The following ZMYND8 variants were observed in gnomAD, a reference collection of about 807,000 sequenced individuals.
The protein encoded by ZMYND8 is zinc finger MYND-type containing 8, also known as MYND-type zinc finger-containing chromatin reader ZMYND8.
In ZMYND8, 37 loss-of-function variants were observed where a neutral mutation model predicts 140.8. The observed-to-expected ratio is 0.26, with a 90% CI of 0.20 to 0.35. The LOEUF is 0.35. Among genes scored for constraint, ZMYND8 ranks in the 10% least tolerant of loss-of-function variants. The probability of loss-of-function intolerance (pLI) is 1.00; values close to 1 mark genes in which losing one functional copy is unlikely to be tolerated. For synonymous variants in ZMYND8, 592 were observed against 597.1 expected, an observed-to-expected ratio of 0.99 and a Z score of 0.12; for missense variants, 1,068 against 1,570.0, an observed-to-expected ratio of 0.68 and a Z score of 5.40.
chr20:47,324,366 A>G (rs1284619510), intron 2 of ZMYND8, among the ~76,000 whole-genome samples: 2 of 151,522 alleles, frequency 1.3e-5, no homozygotes, highest in Non-Finnish European at 2.9e-5. Context: ...AAAAATACAA[A>G]AAATTAGCCA....
At chr20:47,221,583 C>A (rs1600931565) in intron 19 of ZMYND8, 109 bp from the exon 20 acceptor site, 3 of 1,350,274 alleles carry the variant, frequency 2.2e-6, no homozygotes, top group Non-Finnish European at 2.9e-6. Flanking sequence ...CTCAGCCCTA[C>A]CCAGGGCATA....
intron 11 of ZMYND8, among the ~76,000 whole-genome samples, chr20:47,265,551 C>G (rs1422761250): frequency 2.0e-5 from 3 of 152,206 alleles, no homozygotes; most frequent in African/African-American, 2.4e-5. Flanking sequence ...AGCAATTCTC[C>G]TGCCTCAGTC....
chr20:47,238,685 GCAAT>G, intron 15 of ZMYND8, 69 bp downstream of exon 15: 1 of 1,543,344 alleles, frequency 6.5e-7, no homozygotes, highest in Non-Finnish European at 8.7e-7. Flanking sequence ...AAATAAAAGA[GCAAT>G]GACTTTCTCC....
At chr20:47,352,186 C>T (rs1452800673) in intron 1 of ZMYND8, among the ~76,000 whole-genome samples, 1 of 152,164 alleles carries the variant, frequency 6.6e-6, no homozygotes, top group East Asian at 1.9e-4. Context: ...GCCCGGTCCC[C>T]CTTCTCTTCT....
At chr20:47,290,585 T>C (rs967038019) in intron 6 of ZMYND8, among the ~76,000 whole-genome samples, 1 of 75,426 alleles carries the variant, frequency 1.3e-5, no homozygotes. Flanking sequence ...TTTATTTAGT[T>C]TTTTTTTTTT....
At position 47,294,887 on chromosome 20, in the gene ZMYND8, T is replaced by A. The variant is rs547005375; in HGVS notation, c.454-108A>T. 264 of 985,052 alleles carry A rather than the reference T, an allele frequency of 2.7e-4. No individual in the cohort carries two copies. The African/African-American group carries it at 3.9e-3, about 15-fold the overall frequency. The allele number at this position is 985,052 out of a possible 1,614,324, so 61.0% of individuals were successfully genotyped here. A position where few individuals can be genotyped will look rare whatever the true frequency, so the allele number is the denominator to read the frequency against. On this transcript the variant is annotated intron_variant, in intron 4 of 22. Transcript: ENST00000471951. The stretch of plus-strand genomic sequence containing the variant: ...ACTGACAGACAAAAAGCAATTCTCA[T>A]CCCAATGAGACTTGTTGTTTCACTT...
chr20:47,239,207 C>T (rs2147191383), intron 14 of ZMYND8, 69 bp from the exon 15 acceptor site: 2 of 1,457,316 alleles, frequency 1.4e-6, no homozygotes, highest in South Asian at 1.6e-5. Flanking sequence ...ACGGTCTTGA[C>T]GCCACCAAGT....
intron 2 of ZMYND8, among the ~76,000 whole-genome samples, chr20:47,325,071 A>G (rs2080301574): frequency 6.6e-6 from 1 of 151,998 alleles, no homozygotes; most frequent in Non-Finnish European, 1.5e-5. Context: ...CGCCCAGCTA[A>G]TTTTTGTATT....
chr20:47,215,692 T>G (rs2035992327), intron 21 of ZMYND8, among the ~76,000 whole-genome samples: 1 of 152,048 alleles, frequency 6.6e-6, no homozygotes, highest in African/African-American at 2.4e-5. Flanking sequence ...TGAAGAGACA[T>G]CTAACTAACT....
chr20:47,286,752 T>C (rs189296128), intron 8 of ZMYND8, among the ~76,000 whole-genome samples: 4 of 152,202 alleles, frequency 2.6e-5, no homozygotes, highest in Admixed American at 2.6e-4. Flanking sequence ...GCCTAAGAGG[T>C]CTGTTCCATC....
At chr20:47,245,908 T>C in intron 14 of ZMYND8, 100 bp downstream of exon 14, 1 of 1,489,426 alleles carries the variant, frequency 6.7e-7, no homozygotes, top group East Asian at 2.3e-5. Flanking sequence ...ACATAACTTC[T>C]GATTTGTTTC....
At chr20:47,286,776 T>G (rs2076949863) in intron 8 of ZMYND8, among the ~76,000 whole-genome samples, 1 of 152,146 alleles carries the variant, frequency 6.6e-6, no homozygotes, top group South Asian at 2.1e-4. Context: ...GCCATCACAA[T>G]TATGGGCATT....
chr20:47,283,210 C>A (rs1046691179), intron 9 of ZMYND8, among the ~76,000 whole-genome samples: 8 of 152,130 alleles, frequency 5.3e-5, no homozygotes, highest in Admixed American at 2.0e-4. Context: ...TATTTTCAAA[C>A]CTCTTAAAAT....
At chr20:47,292,528 G>T (rs1014338809) in intron 5 of ZMYND8, among the ~76,000 whole-genome samples, 3 of 151,966 alleles carry the variant, frequency 2.0e-5, no homozygotes, top group African/African-American at 7.3e-5. Flanking sequence ...CTCAATTGAA[G>T]GATATCCAAT....
intron 15 of ZMYND8, chr20:47,238,464 G>A: frequency 2.1e-6 from 1 of 484,782 alleles, no homozygotes; most frequent in East Asian, 4.1e-5. Context: ...AGAATGAAAT[G>A]GAAGGTAAAC....
rs762838670 is a variant in ZMYND8, at chr20:47,210,779, C to T, written c.3687G>A (p.Leu1229=). The change falls in exon 23 of 23, where the codon CTG becomes CTA. Residue 1229 remains leucine (L), a synonymous_variant. Transcript: ENST00000471951. ...TTCACTGCTAGTCCCAGAAGGTGTC[C>T]AGCCGAGACTCTTTCGGGAGGAGGC... ...TKSLLPKESR[L]DTFWD 6.2e-7 allele frequency: 1 copy of T among 1,614,028 alleles called. No individual in the cohort carries two copies. Among genetic ancestry groups the T allele is most frequent in the South Asian group, 1.1e-5 (1 of 91,068 alleles).
chr20:47,221,171 C>G (rs1052077432), intron 20 of ZMYND8, 143 bp downstream of exon 20: 12 of 1,165,140 alleles, frequency 1.0e-5, no homozygotes, highest in Non-Finnish European at 1.3e-5. Flanking sequence ...CTCCATGTTC[C>G]CACACATCCA....
chr20:47,223,977 C>T (rs1400233764), intron 19 of ZMYND8, among the ~76,000 whole-genome samples: 1 of 152,104 alleles, frequency 6.6e-6, no homozygotes, highest in African/African-American at 2.4e-5. Flanking sequence ...ACACTTTTTA[C>T]TTAACAAAGA....
chr20:47,310,358 G>T (rs1051244455), intron 2 of ZMYND8, among the ~76,000 whole-genome samples, 154 bp from the exon 3 acceptor site: 1 of 152,062 alleles, frequency 6.6e-6, no homozygotes, highest in African/African-American at 2.4e-5. Context: ...GAATATACGT[G>T]CCCCCTTCTT....
Sources: allele counts gnomAD v4.1 joint callset (sites outside exome capture counted in the v4.1 genomes callset), GRCh38; gene constraint gnomAD v4.1.1; transcripts MANE v1.5; gene names NCBI Gene and HGNC (gene_info 2026-07-23, HGNC 2026-07-21).